The following GALNT13 variants were observed in gnomAD, a reference collection of about 807,000 sequenced individuals.
GALNT13 encodes the protein UDP-GalNAc:polypeptide N-acetylgalactosaminyltransferase 13.
GALNT13 carries 28 observed loss-of-function variants against 64.2 expected under a neutral mutation model. The observed-to-expected ratio is 0.44, with a 90% CI of 0.32 to 0.60. The LOEUF (loss-of-function observed/expected upper bound fraction) is 0.60, where lower values mean the gene tolerates loss of function less well. Among genes scored for constraint, GALNT13 ranks in the 20% least tolerant of loss-of-function variants. GALNT13 has a pLI of 0.05. For synonymous variants in GALNT13, 214 were observed against 224.6 expected (o/e 0.95, Z 0.42); for missense variants, 577 against 669.8 (o/e 0.86, Z 1.53).
At chr2:153,302,215 T>C in the GALNT13 span, among the ~76,000 whole-genome samples, 2 of 152,174 alleles carry the variant, frequency 1.3e-5, no homozygotes, top group African/African-American at 4.8e-5. Context: ...ATCAATGTTA[T>C]CTTTTGTCAT....
At chr2:153,815,143 G>A in the GALNT13 span, among the ~76,000 whole-genome samples, 4 of 152,108 alleles carry the variant, frequency 2.6e-5, no homozygotes, top group African/African-American at 9.7e-5. Flanking sequence ...AGCATAACAA[G>A]TCTTTCTCAG....
At chr2:153,796,717 T>A in the GALNT13 span, among the ~76,000 whole-genome samples, 1 of 152,168 alleles carries the variant, frequency 6.6e-6, no homozygotes, top group East Asian at 1.9e-4. Flanking sequence ...AAAGTACATA[T>A]CCATAGAAGT....
chr2:153,516,578 A>G, the GALNT13 span, among the ~76,000 whole-genome samples: 1 of 152,100 alleles, frequency 6.6e-6, no homozygotes, highest in East Asian at 1.9e-4. Context: ...TGTTTCCTTA[A>G]TGAAATATGA....
At chr2:154,139,615 G>A (rs898003211) in intron 3 of GALNT13, among the ~76,000 whole-genome samples, 4 of 116,918 alleles carry the variant, frequency 3.4e-5, no homozygotes, top group Non-Finnish European at 7.3e-5. Flanking sequence ...ACAGGTATGT[G>A]TAGGCAACAC....
At chr2:154,297,652 G>A (rs1461127199) in intron 8 of GALNT13, among the ~76,000 whole-genome samples, 2 of 152,114 alleles carry the variant, frequency 1.3e-5, no homozygotes, top group Non-Finnish European at 2.9e-5. Context: ...AGCCTCCCAG[G>A]ATTTTGTTAT....
intron 9 of GALNT13, among the ~76,000 whole-genome samples, chr2:154,347,386 T>A (rs141154320): frequency 1.2e-3 from 180 of 152,304 alleles, no homozygotes; most frequent in African/African-American, 4.2e-3. Flanking sequence ...TTAAAGCTTT[T>A]AACATAAGTT....
intron 3 of GALNT13, among the ~76,000 whole-genome samples, chr2:153,966,475 C>T (rs1194374297): frequency 6.6e-6 from 1 of 151,490 alleles, no homozygotes; most frequent in Non-Finnish European, 1.5e-5. Context: ...ACGCCATTCT[C>T]CTGCCTCAGC....
chr2:153,842,096 T>A, the GALNT13 span, among the ~76,000 whole-genome samples: 1 of 151,750 alleles, frequency 6.6e-6, no homozygotes, highest in Non-Finnish European at 1.5e-5. Flanking sequence ...GGAAAAATTC[T>A]GCTATTGAAA....
At chr2:153,346,209 C>G in the GALNT13 span, among the ~76,000 whole-genome samples, 4 of 152,320 alleles carry the variant, frequency 2.6e-5, no homozygotes, top group East Asian at 7.7e-4. Flanking sequence ...CAGCATGAAT[C>G]ATAATGCCCA....
At chr2:153,506,772 T>G in the GALNT13 span, among the ~76,000 whole-genome samples, 1 of 152,036 alleles carries the variant, frequency 6.6e-6, no homozygotes, top group African/African-American at 2.4e-5. Context: ...GCTCTTAAGA[T>G]TCTTTCCTTT....
chr2:154,363,670 T>C (rs1022801873), intron 9 of GALNT13, among the ~76,000 whole-genome samples: 1 of 152,228 alleles, frequency 6.6e-6, no homozygotes, highest in Non-Finnish European at 1.5e-5. Context: ...AGGGAGTTTT[T>C]ATGTGAAGCT....
intron 4 of GALNT13, chr2:154,236,154 G>A (rs1360481547): frequency 3.6e-6 from 4 of 1,108,548 alleles, no homozygotes; most frequent in Non-Finnish European, 4.5e-6. Context: ...AGTAAATATT[G>A]TCTTCTTGCT....
chr2:153,836,355 T>G, the GALNT13 span, among the ~76,000 whole-genome samples: 1 of 152,094 alleles, frequency 6.6e-6, no homozygotes, highest in Non-Finnish European at 1.5e-5. Context: ...ACTTAAAATC[T>G]ACTCTTAGCA....
chr2:153,200,988 C>A, the GALNT13 span, among the ~76,000 whole-genome samples: 2 of 152,188 alleles, frequency 1.3e-5, no homozygotes, highest in Non-Finnish European at 2.9e-5. Flanking sequence ...GTTCAAGACA[C>A]AAGAGTTAAC....
chr2:154,260,475 G>A (rs1425188584), intron 8 of GALNT13, among the ~76,000 whole-genome samples: 1 of 152,026 alleles, frequency 6.6e-6, no homozygotes, highest in Non-Finnish European at 1.5e-5. Context: ...TTACTATTTT[G>A]CCTGTAAACT....
intron 3 of GALNT13, among the ~76,000 whole-genome samples, chr2:154,089,274 G>T (rs980707275): frequency 6.6e-6 from 1 of 152,020 alleles, no homozygotes; most frequent in Non-Finnish European, 1.5e-5. Context: ...ACTTCTCTCA[G>T]AGTGATACTT....
the GALNT13 span, among the ~76,000 whole-genome samples, chr2:153,106,409 G>C: frequency 6.6e-6 from 1 of 152,088 alleles, no homozygotes. Flanking sequence ...ATGTGAATCT[G>C]AGTCAGATAT....
the GALNT13 span, among the ~76,000 whole-genome samples, chr2:153,265,607 T>C: frequency 1.3e-5 from 2 of 152,212 alleles, no homozygotes; most frequent in Non-Finnish European, 2.9e-5. Flanking sequence ...TTAGTGTCTA[T>C]TTCTTTAATA....
the GALNT13 span, among the ~76,000 whole-genome samples, chr2:153,475,645 C>T: frequency 7.2e-5 from 11 of 152,114 alleles, no homozygotes; most frequent in African/African-American, 2.7e-4. Context: ...TCAGCCTCCG[C>T]GTGTCTGAAA....
Sources: gnomAD v4.1 joint callset for allele counts (sites outside exome capture counted in the v4.1 genomes callset) on GRCh38, gnomAD v4.1.1 for gene constraint, MANE v1.5 for transcripts, NCBI Gene and HGNC (gene_info 2026-07-23, HGNC 2026-07-21) for gene names.